CTNNA3: variants seen among roughly 807,000 people sequenced by gnomAD.
CTNNA3 encodes the protein catenin alpha-3.
CTNNA3 carries 76 observed loss-of-function variants against 95.7 expected under a neutral mutation model. That is an observed-to-expected ratio of 0.79 (90% CI 0.66 to 0.96). The LOEUF (loss-of-function observed/expected upper bound fraction) is 0.96. Ranked by LOEUF, CTNNA3 falls within the 40% of genes least tolerant of loss-of-function variation. The probability of loss-of-function intolerance (pLI) is 0.00; values close to 1 mark genes in which losing one functional copy is unlikely to be tolerated. For synonymous variants in CTNNA3, 431 were observed against 374.4 expected (o/e 1.15, Z -1.74); for missense variants, 1,191 against 1,089.8 (o/e 1.09, Z -1.31).
rs1401207716 is a variant in CTNNA3, at chr10:65,912,684, C to CAATT, written c.*7642_*7645dup. 6.6e-6 allele frequency: 1 copy of CAATT among 151,838 alleles called. No individual in the cohort carries two copies. Among genetic ancestry groups the CAATT allele is most frequent in the South Asian group, 2.1e-4 (1 of 4,814 alleles). The allele number at this position is 151,838 out of a possible 1,614,324, so 9.4% of individuals were successfully genotyped here. A position where few individuals can be genotyped will look rare whatever the true frequency, so the allele number is the denominator to read the frequency against. ...CCAGTGTTACATATGTGAAATAATGCAATTAAGAGCACAACTAAAAAAAAT... is the reference window on the plus strand; with the variant it reads ...CCAGTGTTACATATGTGAAATAATGCAATTAATTAAGAGCACAACTAAAAAAAAT... On this transcript the variant is annotated 3_prime_UTR_variant, in exon 18 of 18. Transcript: ENST00000433211.
At chr10:66,806,475 G>T (rs1564695429) in intron 7 of CTNNA3, among the ~76,000 whole-genome samples, 1 of 151,896 alleles carries the variant, frequency 6.6e-6, no homozygotes, top group Admixed American at 6.6e-5. Flanking sequence ...TTAAAGACGA[G>T]GCATATTGTA....
intron 10 of CTNNA3, among the ~76,000 whole-genome samples, chr10:66,529,445 T>TTG (rs530532356): frequency 0.027 from 2,001 of 72,830 alleles, 36 homozygotes; most frequent in African/African-American, 0.077. Flanking sequence ...CAGTGTTTTT[T>TTG]TTTTGTTTTT....
chr10:67,418,827 A>G (rs1021454924), intron 5 of CTNNA3, among the ~76,000 whole-genome samples: 1 of 152,194 alleles, frequency 6.6e-6, no homozygotes, highest in East Asian at 1.9e-4. Flanking sequence ...TATTTTTGGA[A>G]GTTGTTAAGA....
At position 66,918,444 on chromosome 10, in the gene CTNNA3, T is replaced by C. The variant is rs926833982; in HGVS notation, c.1048-142920A>G. ...ATCTTAAACTGCTACCAAGAATGAA[T>C]AGATGCCCCAAATATCCACTTTGGG... On this transcript the variant is annotated intron_variant, in intron 7 of 17. Transcript: ENST00000433211. 4.2e-4 allele frequency among the ~76,000 whole-genome samples: 64 copies of C among 152,142 alleles called. 1 individual carries two copies. Among genetic ancestry groups the C allele is most frequent in the African/African-American group, 1.4e-3 (57 of 41,436 alleles).
intron 10 of CTNNA3, among the ~76,000 whole-genome samples, chr10:66,617,744 T>A (rs1252611765): frequency 1.3e-5 from 2 of 152,068 alleles, no homozygotes; most frequent in East Asian, 3.9e-4. Context: ...TAAAGGGTAT[T>A]CAGTTAGGAA....
chr10:66,125,944 A>G (rs78723865), intron 13 of CTNNA3, among the ~76,000 whole-genome samples: 184 of 152,344 alleles, frequency 1.2e-3, no homozygotes, highest in Non-Finnish European at 2.1e-3. Context: ...TACCTTTGTC[A>G]AAAGCCATAG....
intron 11 of CTNNA3, among the ~76,000 whole-genome samples, chr10:66,507,640 T>C (rs1840497505): frequency 6.6e-6 from 1 of 152,142 alleles, no homozygotes; most frequent in African/African-American, 2.4e-5. Flanking sequence ...TAACATAATG[T>C]CCTCCAGGCT....
chr10:66,736,455 T>C (rs1458679887), intron 9 of CTNNA3, among the ~76,000 whole-genome samples: 2 of 151,796 alleles, frequency 1.3e-5, no homozygotes, highest in African/African-American at 2.4e-5. Context: ...GGCCTCCCAA[T>C]GTGCTGAGAT....
intron 1 of CTNNA3, among the ~76,000 whole-genome samples, chr10:67,706,859 T>G (rs1284742406): frequency 1.3e-5 from 2 of 152,158 alleles, no homozygotes; most frequent in Non-Finnish European, 2.9e-5. Context: ...CAGCAATATA[T>G]CTAAACTGCC....
intron 5 of CTNNA3, among the ~76,000 whole-genome samples, chr10:67,376,612 C>T (rs567077135): frequency 6.6e-6 from 1 of 152,258 alleles, no homozygotes; most frequent in African/African-American, 2.4e-5. Flanking sequence ...CTTTAATTGA[C>T]CCACTGTTCA....
chr10:66,491,454 A>G (rs1370785663), intron 11 of CTNNA3, among the ~76,000 whole-genome samples: 1 of 152,192 alleles, frequency 6.6e-6, no homozygotes, highest in Non-Finnish European at 1.5e-5. Flanking sequence ...AACTTTTAAC[A>G]TATTTATTTA....
At chr10:66,988,724 A>T (rs1418658399) in intron 7 of CTNNA3, among the ~76,000 whole-genome samples, 1 of 152,156 alleles carries the variant, frequency 6.6e-6, no homozygotes, top group Non-Finnish European at 1.5e-5. Context: ...AATACTAGGA[A>T]CTAAAATGAG....
intron 7 of CTNNA3, among the ~76,000 whole-genome samples, chr10:67,130,665 A>T (rs1859950992): frequency 6.6e-6 from 1 of 152,124 alleles, no homozygotes; most frequent in Non-Finnish European, 1.5e-5. Context: ...AGCCTTTCTA[A>T]ATTAATACAT....
At chr10:67,176,248 A>G (rs1286778753) in intron 7 of CTNNA3, among the ~76,000 whole-genome samples, 1 of 152,236 alleles carries the variant, frequency 6.6e-6, no homozygotes, top group Non-Finnish European at 1.5e-5. Flanking sequence ...AAGACCTTTT[A>G]TAACAGGCAG....
intron 14 of CTNNA3, among the ~76,000 whole-genome samples, chr10:66,095,586 C>T (rs1420355345): frequency 6.6e-6 from 1 of 151,836 alleles, no homozygotes; most frequent in Non-Finnish European, 1.5e-5. Flanking sequence ...TTAGAGTAAA[C>T]CACTCATCCA....
intron 7 of CTNNA3, among the ~76,000 whole-genome samples, chr10:67,146,996 T>C (rs1480864115): frequency 6.6e-6 from 1 of 152,208 alleles, no homozygotes; most frequent in Non-Finnish European, 1.5e-5. Context: ...TAGTAGGCTA[T>C]ACCATGCAGG....
chr10:66,490,686 C>T (rs538318962), intron 11 of CTNNA3, among the ~76,000 whole-genome samples: 4 of 152,164 alleles, frequency 2.6e-5, no homozygotes, highest in Non-Finnish European at 4.4e-5. Context: ...CCCACTTGAA[C>T]TCATGTGGTA....
At chr10:65,944,904 T>C (rs11599017) in intron 17 of CTNNA3, among the ~76,000 whole-genome samples, 7,900 of 148,814 alleles carry the variant, frequency 0.053, 286 homozygotes, top group South Asian at 0.11. Context: ...ATCTATCATC[T>C]ATCTATCATC....
At position 67,566,215 on chromosome 10, in the gene CTNNA3, A is replaced by T. The variant is rs1319011307; in HGVS notation, c.293-26546T>A. On this transcript the variant is annotated intron_variant, in intron 3 of 17. Transcript: ENST00000433211. The stretch of plus-strand genomic sequence containing the variant: ...GAGCTTCTGCACAGCAAAAGAAACT[A>T]CCATCAGAGTGAACAGGCAACCTAC... 9.9e-5 allele frequency among the ~76,000 whole-genome samples: 14 copies of T among 142,060 alleles called. 1 individual carries two copies. Among genetic ancestry groups the T allele is most frequent in the Non-Finnish European group, 1.1e-4 (7 of 64,562 alleles). 93.2% of individuals were successfully genotyped at this position (142,060 alleles called of 152,430 possible). A position where few individuals can be genotyped will look rare whatever the true frequency, so the allele number is the denominator to read the frequency against.
Sources: allele counts gnomAD v4.1 joint callset (sites outside exome capture counted in the v4.1 genomes callset), GRCh38; gene constraint gnomAD v4.1.1; transcripts MANE v1.5; gene names NCBI Gene and HGNC (gene_info 2026-07-23, HGNC 2026-07-21).